The following SKA3 variants were observed in gnomAD, a reference collection of about 807,000 sequenced individuals.
SKA3 encodes the protein spindle and kinetochore-associated protein 3.
A neutral mutation model predicts 44.2 loss-of-function variants in SKA3; 39 were observed. The ratio of observed to expected loss-of-function variants is 0.88; its 90% CI spans 0.68 to 1.15. The LOEUF (loss-of-function observed/expected upper bound fraction) is 1.15, where lower values mean the gene tolerates loss of function less well. Ranked by LOEUF, SKA3 falls within the 50% of genes most tolerant of loss-of-function variation. The pLI, the probability that SKA3 is intolerant of heterozygous loss-of-function variation, is 0.00. For missense variants in SKA3, 511 were observed against 485.8 expected (o/e 1.05, Z -0.49); for synonymous variants, 192 against 172.0 (o/e 1.12, Z -0.91).
At position 21,172,454 on chromosome 13, in the gene SKA3, GC is replaced by G. The variant is rs1871112982; in HGVS notation, c.215del (p.Gly72AlafsTer5). The G allele has an allele frequency of 6.3e-7, 1 of 1,589,354 alleles. No individual in the cohort carries two copies. Among genetic ancestry groups the G allele is most frequent in the Non-Finnish European group, 8.5e-7 (1 of 1,170,548 alleles). ...CTTTTGTTGCCTTTATGAAATCAATGCCTTCTTGATTTTCCAATCTTGCTTT... is the reference window on the plus strand; with the variant it reads ...CTTTTGTTGCCTTTATGAAATCAATGCTTCTTGATTTTCCAATCTTGCTTT... ...LDKARLENQE[G>X]IDFIKATKVL... On this transcript the variant is annotated frameshift_variant, in exon 3 of 9. Coordinates refer to ENST00000314759, the MANE Select transcript of SKA3 (RefSeq NM_145061.6). LOFTEE classifies it high-confidence loss of function.
chr13:21,161,893 GA>G lies in SKA3; in HGVS notation c.744-19del. ...CCTCCTCACTGGTGTGATTCATAGG[GA>G]AATTACAAGGTTAAAAAAGTTAACA... On this transcript the variant is annotated intron_variant, in intron 4 of 8. Coordinates refer to ENST00000314759, the MANE Select transcript of SKA3 (RefSeq NM_145061.6). 8.6e-7 allele frequency: 1 copy of G among 1,162,696 alleles called. No homozygotes were observed. The highest frequency in any genetic ancestry group is 2.6e-5 in the Admixed American group (1 of 38,430). The allele number at this position is 1,162,696 out of a possible 1,614,324, so 72.0% of individuals were successfully genotyped here.
rs771300457 is a variant in SKA3 at position 21,172,687 on chromosome 13, A to G, written c.104-6T>C. Reference sequence around the variant, plus strand: ...CATTGGATAATCTTCAAAGTCTTCAATATGAATATTGAAAGAAAAGAAGTC... The same window carrying G: ...CATTGGATAATCTTCAAAGTCTTCAGTATGAATATTGAAAGAAAAGAAGTC... On this transcript the variant is annotated splice_polypyrimidine_tract_variant and splice_region_variant and intron_variant, in intron 1 of 8. Transcript: ENST00000314759. 14 of 1,519,872 alleles carry G rather than the reference A, an allele frequency of 9.2e-6. No homozygotes were observed. The South Asian group carries it at 1.7e-4, about 18-fold the overall frequency. 94.1% of individuals were successfully genotyped at this position (1,519,872 alleles called of 1,614,324 possible). A position where few individuals can be genotyped will look rare whatever the true frequency, so the allele number is the denominator to read the frequency against.
At chr13:21,169,216 CA>C (rs57065087) in intron 3 of SKA3, among the ~76,000 whole-genome samples, 137,811 of 151,332 alleles carry the variant, frequency 0.91, 63,125 homozygotes, top group East Asian at 1. Context: ...CCTGCAGGCA[CA>C]ACAACTTTGT....
chr13:21,176,470 G>C lies in SKA3; in HGVS notation c.8C>G (p.Pro3Arg). MD[P>R]IRSFCGKLRS... ...CAGCTTCCCGCAGAAGCTCCGGATA[G>C]GGTCCATGCTGAGCACAGCGGGGAA... is the stretch of plus-strand genomic sequence containing the variant. Residue 3 changes from proline (P) to arginine (R), a missense_variant, in exon 1 of 9, where the codon CCT becomes CGT. Pro to Arg is a moderately radical substitution (Grantham distance 103). Transcript: ENST00000314759. 4 of 1,561,610 alleles carry C rather than the reference G, an allele frequency of 2.6e-6. No homozygotes were observed. Among genetic ancestry groups the C allele is most frequent in the Middle Eastern group, 1.7e-4 (1 of 5,930 alleles).
At chr13:21,155,834 CT>C (rs1870091402) in intron 7 of SKA3, 23 bp from the exon 8 acceptor site, 3 of 911,188 alleles carry the variant, frequency 3.3e-6, no homozygotes, top group Admixed American at 2.7e-5. Context: ...AAGGAAATTC[CT>C]TTTTATCGAG....
intron 1 of SKA3, among the ~76,000 whole-genome samples, chr13:21,176,090 C>A (rs561999608): frequency 4.5e-4 from 69 of 152,306 alleles, no homozygotes; most frequent in African/African-American, 1.6e-3. Flanking sequence ...CTGTTTATAA[C>A]GTAATAGTGC....
At chr13:21,157,526 G>A (rs1870175698) in intron 7 of SKA3, among the ~76,000 whole-genome samples, 2 of 152,178 alleles carry the variant, frequency 1.3e-5, no homozygotes, top group Admixed American at 1.3e-4. Flanking sequence ...TGTGGCATAT[G>A]CAGTCCATCA....
At chr13:21,169,399 C>T (rs1870912985) in intron 3 of SKA3, among the ~76,000 whole-genome samples, 1 of 151,884 alleles carries the variant, frequency 6.6e-6, no homozygotes, top group Non-Finnish European at 1.5e-5. Context: ...CAGGGTTTCA[C>T]CATGTTGCCT....
chr13:21,163,979 G>A (rs1031651853), intron 4 of SKA3, among the ~76,000 whole-genome samples: 2 of 152,074 alleles, frequency 1.3e-5, no homozygotes, highest in African/African-American at 4.8e-5. Context: ...GGCTAGGCTG[G>A]TCTCGAACTC....
chr13:21,158,446 C>T, intron 6 of SKA3, among the ~76,000 whole-genome samples: 1 of 148,554 alleles, frequency 6.7e-6, no homozygotes, highest in East Asian at 1.9e-4. Flanking sequence ...CATGGTGAAA[C>T]CCCATCTCTA....
At chr13:21,159,315 ATTAAAT>A (rs1246552610) in intron 6 of SKA3, among the ~76,000 whole-genome samples, 2 of 152,212 alleles carry the variant, frequency 1.3e-5, no homozygotes, top group Non-Finnish European at 2.9e-5. Context: ...ATGAAATCTG[ATTAAAT>A]TTATTTGTTG....
At chr13:21,170,559 T>C (rs554266659) in intron 3 of SKA3, among the ~76,000 whole-genome samples, 9 of 152,238 alleles carry the variant, frequency 5.9e-5, no homozygotes, top group Non-Finnish European at 1.3e-4. Context: ...TTTGATTTCA[T>C]AGTTTTTGTT....
At chr13:21,159,230 C>G (rs530403078) in intron 6 of SKA3, among the ~76,000 whole-genome samples, 63 of 152,130 alleles carry the variant, frequency 4.1e-4, no homozygotes, top group African/African-American at 1.5e-3. Flanking sequence ...TATTGGATAC[C>G]CTAATACAGT....
At chr13:21,174,466 C>T (rs978101075) in intron 1 of SKA3, among the ~76,000 whole-genome samples, 2 of 152,004 alleles carry the variant, frequency 1.3e-5, no homozygotes, top group Admixed American at 1.3e-4. Context: ...TCATTCTCAG[C>T]AAACTATTGC....
rs1870340988 is a variant in SKA3 at position 21,159,926 on chromosome 13, T to C, written c.891A>G (p.Pro297=). The C allele has an allele frequency of 2.5e-6, 4 of 1,608,678 alleles. No homozygotes were observed. The highest frequency in any genetic ancestry group is 3.4e-6 in the Non-Finnish European group (4 of 1,178,036). ...PTFCTPGLKI[P]STKNSIALVS... Reference sequence around the variant, plus strand: ...CCAAAGCTATGCTGTTCTTTGTAGATGGAATTTTCAAACCAGGAGTACAGA... The same window carrying C: ...CCAAAGCTATGCTGTTCTTTGTAGACGGAATTTTCAAACCAGGAGTACAGA... The change falls in exon 6 of 9, where the codon CCA becomes CCG. Residue 297 remains proline (P), a synonymous_variant. Coordinates refer to ENST00000314759, the MANE Select transcript of SKA3 (RefSeq NM_145061.6).
chr13:21,173,510 G>A (rs1232261186), intron 1 of SKA3, among the ~76,000 whole-genome samples: 1 of 152,214 alleles, frequency 6.6e-6, no homozygotes, highest in Non-Finnish European at 1.5e-5. Context: ...ACCCGCCTCG[G>A]CCTCTCAAAG....
intron 7 of SKA3, among the ~76,000 whole-genome samples, chr13:21,156,673 G>A (rs1461830322): frequency 1.3e-5 from 2 of 152,186 alleles, no homozygotes; most frequent in Non-Finnish European, 2.9e-5. Context: ...CCTAGCATGA[G>A]TCAGTTCTAA....
intron 6 of SKA3, among the ~76,000 whole-genome samples, 193 bp downstream of exon 6, chr13:21,159,709 T>C (rs577224385): frequency 6.6e-6 from 1 of 152,282 alleles, no homozygotes; most frequent in South Asian, 2.1e-4. Context: ...GAGATATGGT[T>C]TAAAGGTATG....
At chr13:21,166,242 CCT>C in intron 4 of SKA3, among the ~76,000 whole-genome samples, 1 of 151,758 alleles carries the variant, frequency 6.6e-6, no homozygotes, top group Non-Finnish European at 1.5e-5. Context: ...GTCTTGAACT[CCT>C]AATGTCAAGC....
Sources: allele counts gnomAD v4.1 joint callset (sites outside exome capture counted in the v4.1 genomes callset), GRCh38; gene constraint gnomAD v4.1.1; transcripts MANE v1.5; gene names NCBI Gene and HGNC (gene_info 2026-07-23, HGNC 2026-07-21).